Variants in ANK2 observed in about 807,000 individuals in gnomAD.
The protein encoded by ANK2 is ankyrin 2, also known as ankyrin-2.
Under a neutral mutation model 360.5 loss-of-function variants are expected in ANK2, and 83 were observed. The observed-to-expected ratio is 0.23, with a 90% CI of 0.19 to 0.28. The LOEUF (loss-of-function observed/expected upper bound fraction) is 0.28. Ranked by LOEUF, ANK2 falls within the 10% of genes least tolerant of loss-of-function variation. The pLI, the probability that ANK2 is intolerant of heterozygous loss-of-function variation, is 1.00. For synonymous variants in ANK2, 1,740 were observed against 1,759.5 expected (o/e 0.99, Z 0.28); for missense variants, 4,201 against 4,795.7 (o/e 0.88, Z 3.66).
intron 2 of ANK2, among the ~76,000 whole-genome samples, chr4:113,025,962 G>C (rs539202913): frequency 6.6e-6 from 1 of 152,290 alleles, no homozygotes; most frequent in South Asian, 2.1e-4. Context: ...TTTATAAAAT[G>C]TAAAACAGAA....
At position 112,920,726 on chromosome 4, in the gene ANK2, A is replaced by T. The variant is rs190871098; in HGVS notation, c.21+16212A>T. On this transcript the variant is annotated intron_variant, in intron 2 of 30. Coordinates refer to the ANK2 transcript ENST00000503271. The stretch of plus-strand genomic sequence containing the variant: ...TGCTTACTTTCCTTATATAGCATGT[A>T]TTTTCATACTACCATCAAGGATGCT... Among the ~76,000 whole-genome samples the T allele has an allele frequency of 2.9e-3, 449 of 152,224 alleles. 1 individual carries two copies. The highest frequency in any genetic ancestry group is 8.3e-3 in the African/African-American group (344 of 41,542).
intron 8 of ANK2, 64 bp from the exon 9 acceptor site, chr4:113,242,047 C>T: frequency 7.6e-7 from 1 of 1,323,392 alleles, no homozygotes; most frequent in Non-Finnish European, 1.1e-6. Context: ...GCCTTTAACA[C>T]AAAGGCATCG....
At chr4:112,966,717 T>C (rs892428338) in intron 2 of ANK2, among the ~76,000 whole-genome samples, 2 of 152,196 alleles carry the variant, frequency 1.3e-5, no homozygotes, top group South Asian at 4.1e-4. Context: ...ATCATGGATA[T>C]AGAAAAGATA....
intron 45 of ANK2, among the ~76,000 whole-genome samples, chr4:113,377,102 A>G (rs2096973253): frequency 1.3e-5 from 2 of 152,290 alleles, no homozygotes; most frequent in South Asian, 4.1e-4. Flanking sequence ...CTTGATAATG[A>G]TAATAAGTGA....
At chr4:112,957,741 G>T (rs1340627836) in intron 2 of ANK2, among the ~76,000 whole-genome samples, 1 of 150,800 alleles carries the variant, frequency 6.6e-6, no homozygotes, top group East Asian at 2.0e-4. Flanking sequence ...GGGCGGAGAC[G>T]CTCCTCACTT....
intron 9 of ANK2, among the ~76,000 whole-genome samples, chr4:113,245,968 G>C (rs988644478): frequency 1.6e-4 from 24 of 152,160 alleles, no homozygotes; most frequent in African/African-American, 5.8e-4. Flanking sequence ...GGTTAATTTT[G>C]TATTTTTAAT....
chr4:112,731,958 G>A, the ANK2 span, among the ~76,000 whole-genome samples: 4 of 152,132 alleles, frequency 2.6e-5, no homozygotes, highest in African/African-American at 4.8e-5. Context: ...GCCTGGCTCA[G>A]GGATTTTCAT....
At chr4:113,006,255 G>A (rs1532878) in intron 2 of ANK2, among the ~76,000 whole-genome samples, 117,617 of 152,052 alleles carry the variant, frequency 0.77, 45,593 homozygotes, top group South Asian at 0.87. Context: ...TTCAACATAT[G>A]TTACAAACAC....
At position 113,333,226 on chromosome 4, in the gene ANK2, G is replaced by A. The variant is rs758915395; in HGVS notation, c.3379+18G>A. On this transcript the variant is annotated intron_variant, in intron 29 of 45. Coordinates refer to ENST00000357077, the MANE Select transcript of ANK2 (RefSeq NM_001148.6). ...GGATGAAGGTACTTTCAGATGAAGCGTTTTAAAAGAAATCTAAACTGGAAG... is the reference window on the plus strand; with the variant it reads ...GGATGAAGGTACTTTCAGATGAAGCATTTTAAAAGAAATCTAAACTGGAAG... 8 of 1,613,544 alleles carry A rather than the reference G, an allele frequency of 5.0e-6. No homozygotes were observed. Among genetic ancestry groups the A allele is most frequent in the South Asian group, 1.1e-5 (1 of 91,050 alleles).
In ANK2 at chr4:113,131,778, A is replaced by C. The variant is rs1234280011; in HGVS notation, c.85-42638A>C. On this transcript the variant is annotated intron_variant, in intron 1 of 45. Coordinates refer to ENST00000357077, the MANE Select transcript of ANK2 (RefSeq NM_001148.6). Reference sequence around the variant, plus strand: ...CTAACATTCCTGCACACTAAAGCACAGTAGATTTAAATAGGATCTTTGTGA... The same window carrying C: ...CTAACATTCCTGCACACTAAAGCACCGTAGATTTAAATAGGATCTTTGTGA... Among the ~76,000 whole-genome samples, 3 of 152,358 alleles carry C rather than the reference A, an allele frequency of 2.0e-5. No individual in the cohort carries two copies. The East Asian group carries it at 5.8e-4, about 29-fold the overall frequency.
intron 1 of ANK2, among the ~76,000 whole-genome samples, chr4:112,848,000 A>C (rs1579601962): frequency 6.6e-6 from 1 of 152,304 alleles, no homozygotes; most frequent in Non-Finnish European, 1.5e-5. Context: ...GTGTCTGCCC[A>C]TCATTCATTG....
At chr4:113,209,434 A>G (rs112329387) in intron 4 of ANK2, among the ~76,000 whole-genome samples, 2,761 of 152,042 alleles carry the variant, frequency 0.018, 42 homozygotes, top group Non-Finnish European at 0.026. Flanking sequence ...TTGCAGGGCT[A>G]CTTCTTTTTG....
intron 2 of ANK2, among the ~76,000 whole-genome samples, chr4:112,938,642 C>T (rs1000663484): frequency 3.3e-5 from 5 of 152,170 alleles, no homozygotes; most frequent in African/African-American, 9.6e-5. Flanking sequence ...AATTTTTATT[C>T]GGCTCAATCA....
intron 1 of ANK2, chr4:112,827,068 A>G: frequency 8.2e-7 from 1 of 1,214,286 alleles, no homozygotes; most frequent in African/African-American, 1.5e-5. Context: ...TGTGAACTTG[A>G]TCACCCATGC....
chr4:113,142,113 C>T (rs1399821560), intron 1 of ANK2, among the ~76,000 whole-genome samples: 2 of 152,102 alleles, frequency 1.3e-5, no homozygotes, highest in African/African-American at 2.4e-5. Context: ...ATTGTTCTGC[C>T]CTGGCAGAAA....
intron 1 of ANK2, among the ~76,000 whole-genome samples, chr4:113,154,474 A>G (rs189647836): frequency 3.3e-5 from 5 of 152,348 alleles, no homozygotes; most frequent in African/African-American, 4.8e-5. Context: ...GGGCTAGTAC[A>G]ATATCTTGGC....
chr4:113,205,050 A>G (rs1368726531), intron 4 of ANK2, among the ~76,000 whole-genome samples: 1 of 151,986 alleles, frequency 6.6e-6, no homozygotes, highest in Non-Finnish European at 1.5e-5. Flanking sequence ...TCTGGCTAAC[A>G]CGGTGAAACC....
At chr4:113,004,553 CG>C (rs2052060102) in intron 2 of ANK2, among the ~76,000 whole-genome samples, 1 of 152,112 alleles carries the variant, frequency 6.6e-6, no homozygotes, top group African/African-American at 2.4e-5. Context: ...ATGACAACAA[CG>C]CCTTCTTCTA....
the ANK2 span, among the ~76,000 whole-genome samples, chr4:112,790,098 A>C: frequency 6.6e-6 from 1 of 152,186 alleles, no homozygotes; most frequent in Non-Finnish European, 1.5e-5. Flanking sequence ...AGGTACCAAA[A>C]GGATTAGATT....
Sources: gnomAD v4.1 joint callset for allele counts (sites outside exome capture counted in the v4.1 genomes callset) on GRCh38, gnomAD v4.1.1 for gene constraint, MANE v1.5 for transcripts, NCBI Gene and HGNC (gene_info 2026-07-23, HGNC 2026-07-21) for gene names.